Variants in SRGAP3 observed in about 807,000 individuals in gnomAD.
SRGAP3 encodes the protein SLIT-ROBO Rho GTPase activating protein 3, also known as SLIT-ROBO Rho GTPase-activating protein 3.
SRGAP3 carries 39 observed loss-of-function variants against 121.1 expected under a neutral mutation model. That is an observed-to-expected ratio of 0.32 (90% CI 0.25 to 0.42). The LOEUF is 0.42. Among genes scored for constraint, SRGAP3 ranks in the 10% least tolerant of loss-of-function variants. The pLI, the probability that SRGAP3 is intolerant of heterozygous loss-of-function variation, is 1.00. For missense variants in SRGAP3, 1,213 were observed against 1,470.6 expected (o/e 0.82, Z 2.86); for synonymous variants, 601 against 570.0 (o/e 1.05, Z -0.77).
intron 5 of SRGAP3, among the ~76,000 whole-genome samples, chr3:9,063,466 A>G (rs1357671795): frequency 6.7e-6 from 1 of 149,802 alleles, no homozygotes; most frequent in Non-Finnish European, 1.5e-5. Flanking sequence ...CCACTCATAC[A>G]TGTTTTTTTA....
At chr3:8,991,359 A>C (rs1942046641) in intron 20 of SRGAP3, among the ~76,000 whole-genome samples, 1 of 152,154 alleles carries the variant, frequency 6.6e-6, no homozygotes, top group Non-Finnish European at 1.5e-5. Flanking sequence ...ATCTCCCCAG[A>C]AGAGGGCTCC....
chr3:9,356,358 ATTTTTTTTTTTT>A (rs869098475), intron 1 of SRGAP3, among the ~76,000 whole-genome samples: 3 of 39,606 alleles, frequency 7.6e-5, no homozygotes, highest in African/African-American at 3.3e-4. Context: ...TGGCCAGCTA[ATTTTTTTTTTTT>A]TTTTTTTTTT....
chr3:9,133,930 T>A (rs1262366901), intron 1 of SRGAP3, among the ~76,000 whole-genome samples: 1 of 152,226 alleles, frequency 6.6e-6, no homozygotes, highest in Non-Finnish European at 1.5e-5. Flanking sequence ...TCATTAAAGT[T>A]TAGTTTAGCG....
chr3:9,019,934 G>A (rs1042142444), intron 14 of SRGAP3, among the ~76,000 whole-genome samples: 4 of 152,120 alleles, frequency 2.6e-5, no homozygotes, highest in African/African-American at 9.7e-5. Flanking sequence ...TTGTAGGGAA[G>A]GAAGAGAGAA....
intron 21 of SRGAP3, 113 bp from the exon 22 acceptor site, chr3:8,986,045 G>T (rs1037888632): frequency 1.0e-5 from 16 of 1,556,156 alleles, no homozygotes; most frequent in Non-Finnish European, 1.4e-5. Flanking sequence ...CTCGCGGCAG[G>T]GATGGAGATT....
At chr3:9,085,115 C>A (rs1249128594) in intron 3 of SRGAP3, among the ~76,000 whole-genome samples, 1 of 152,226 alleles carries the variant, frequency 6.6e-6, no homozygotes, top group Non-Finnish European at 1.5e-5. Flanking sequence ...TCAATGTCAG[C>A]CCCATGAGGG....
At chr3:9,340,544 T>C (rs1028322310) in intron 1 of SRGAP3, among the ~76,000 whole-genome samples, 3 of 152,336 alleles carry the variant, frequency 2.0e-5, no homozygotes, top group African/African-American at 4.8e-5. Flanking sequence ...CCTCCTTTAA[T>C]GTGTTTCTCT....
intron 1 of SRGAP3, among the ~76,000 whole-genome samples, chr3:9,354,939 C>T (rs2030413075): frequency 1.3e-5 from 2 of 152,178 alleles, no homozygotes; most frequent in Non-Finnish European, 2.9e-5. Context: ...CTAGCAAGAT[C>T]CATTTTAGTC....
chr3:9,046,987 C>G (rs187233754), intron 10 of SRGAP3, among the ~76,000 whole-genome samples: 14 of 151,944 alleles, frequency 9.2e-5, no homozygotes, highest in East Asian at 1.9e-4. Flanking sequence ...CCCGCCACCA[C>G]GCCCGGCTAA....
chr3:9,076,448 C>A (rs1359190612), intron 4 of SRGAP3, among the ~76,000 whole-genome samples: 1 of 68,780 alleles, frequency 1.5e-5, no homozygotes, highest in Non-Finnish European at 2.9e-5. Context: ...TGTTTGGCAA[C>A]AAAGAGGAGA....
At chr3:9,295,984 A>T (rs538579245) in intron 3 of SRGAP3, among the ~76,000 whole-genome samples, 4 of 152,180 alleles carry the variant, frequency 2.6e-5, no homozygotes, top group Non-Finnish European at 5.9e-5. Context: ...CTTCCTTTTG[A>T]GGCTGAATAA....
intron 1 of SRGAP3, among the ~76,000 whole-genome samples, chr3:9,174,325 G>T (rs1227759168): frequency 6.6e-6 from 1 of 152,190 alleles, no homozygotes; most frequent in Admixed American, 6.5e-5. Context: ...TTGTAAAATG[G>T]TTAAGATGGT....
intron 1 of SRGAP3, among the ~76,000 whole-genome samples, chr3:9,244,819 C>A (rs577873336): frequency 2.6e-5 from 4 of 152,278 alleles, no homozygotes; most frequent in African/African-American, 7.2e-5. Context: ...CCATTTGGCA[C>A]CAGCATGGGG....
intron 3 of SRGAP3, among the ~76,000 whole-genome samples, chr3:9,259,306 TCATGCCCTGTCACC>T (rs1954203508): frequency 6.6e-6 from 1 of 151,888 alleles, no homozygotes; most frequent in South Asian, 2.1e-4. Flanking sequence ...AGAGAGAGGG[TCATGCCCTGTCACC>T]CAGGCTAGAG....
At chr3:9,184,843 T>A (rs1951546373) in intron 1 of SRGAP3, among the ~76,000 whole-genome samples, 2 of 152,080 alleles carry the variant, frequency 1.3e-5, no homozygotes, top group Admixed American at 1.3e-4. Context: ...ACCATCCCTT[T>A]CAGGTATAAA....
chr3:9,299,973 C>T (rs1955023205), intron 3 of SRGAP3, among the ~76,000 whole-genome samples: 1 of 151,716 alleles, frequency 6.6e-6, no homozygotes, highest in South Asian at 2.1e-4. Context: ...CCTTCACAAG[C>T]TATGTGACTT....
intron 1 of SRGAP3, among the ~76,000 whole-genome samples, chr3:9,202,027 T>TG (rs944985304): frequency 1.9e-4 from 29 of 148,820 alleles, no homozygotes; most frequent in Admixed American, 6.1e-4. Flanking sequence ...TAGAGGACTG[T>TG]GCCACAGTGA....
intron 3 of SRGAP3, among the ~76,000 whole-genome samples, chr3:9,304,696 C>T (rs955248375): frequency 6.6e-6 from 1 of 152,146 alleles, no homozygotes; most frequent in African/African-American, 2.4e-5. Context: ...TAGGACCTCC[C>T]CAAAACCAGG....
At chr3:9,007,921 G>A (rs1943162036) in intron 18 of SRGAP3, 1 of 152,148 alleles carries the variant, frequency 6.6e-6, no homozygotes. Flanking sequence ...TTTAGAAAAT[G>A]CAATTGATTT....
Sources: gnomAD v4.1 joint callset for allele counts (sites outside exome capture counted in the v4.1 genomes callset) on GRCh38, gnomAD v4.1.1 for gene constraint, MANE v1.5 for transcripts, NCBI Gene and HGNC (gene_info 2026-07-23, HGNC 2026-07-21) for gene names.